UBE2B: variants seen among roughly 807,000 people sequenced by gnomAD.
UBE2B encodes the protein ubiquitin conjugating enzyme E2 B.
Under a neutral mutation model 24.6 loss-of-function variants are expected in UBE2B, and 11 were observed. The observed-to-expected ratio is 0.45, with a 90% CI of 0.28 to 0.74. The LOEUF (loss-of-function observed/expected upper bound fraction) is 0.74, where lower values mean the gene tolerates loss of function less well. Among genes scored for constraint, UBE2B ranks in the 30% least tolerant of loss-of-function variants. The pLI, the probability that UBE2B is intolerant of heterozygous loss-of-function variation, is 0.13. For missense variants in UBE2B, 78 were observed against 185.6 expected, an observed-to-expected ratio of 0.42 and a Z score of 3.37; for synonymous variants, 68 against 62.4, an observed-to-expected ratio of 1.09 and a Z score of -0.42.
Position 134,391,189 on chromosome 5 carries a change from T to C in UBE2B, c.*836T>C, listed in dbSNP as rs1161803944. 6.6e-6 allele frequency: 1 copy of C among 152,502 alleles called. No individual in the cohort carries two copies. Among genetic ancestry groups the C allele is most frequent in the Admixed American group, 6.5e-5 (1 of 15,272 alleles). The allele number at this position is 152,502 out of a possible 1,614,324, so 9.4% of individuals were successfully genotyped here. A position where few individuals can be genotyped will look rare whatever the true frequency, so the allele number is the denominator to read the frequency against. On this transcript the variant is annotated 3_prime_UTR_variant, in exon 6 of 6. Coordinates refer to ENST00000265339, the MANE Select transcript of UBE2B (RefSeq NM_003337.4). ...ATGAAGAAAGTAAAACCATAAACAT[T>C]TGCCAAAAATTCATGCCCCAGTATT...
intron 2 of UBE2B, among the ~76,000 whole-genome samples, chr5:134,376,380 ATGAC>A (rs1306923901): frequency 1.4e-4 from 13 of 90,378 alleles, no homozygotes; most frequent in South Asian, 1.3e-3. Context: ...TATGTACAAA[ATGAC>A]TGGTCAGTAT....
At chr5:134,374,569 T>A in intron 2 of UBE2B, 106 bp downstream of exon 2, 1 of 1,249,504 alleles carries the variant, frequency 8.0e-7, no homozygotes, top group Non-Finnish European at 1.1e-6. Context: ...TGAGAGATCT[T>A]AAGGACTAAA....
At chr5:134,383,444 G>A (rs555426610) in intron 4 of UBE2B, among the ~76,000 whole-genome samples, 18 of 149,034 alleles carry the variant, frequency 1.2e-4, no homozygotes, top group African/African-American at 4.5e-4. Flanking sequence ...TGAGTAGCTG[G>A]GACTGCAGAT....
intron 1 of UBE2B, among the ~76,000 whole-genome samples, chr5:134,374,060 A>C (rs1392874333): frequency 1.3e-5 from 2 of 152,202 alleles, no homozygotes; most frequent in African/African-American, 2.4e-5. Flanking sequence ...GAATCGCCAT[A>C]CTGTCTTCCA....
At chr5:134,376,214 C>T (rs1168898625) in intron 2 of UBE2B, among the ~76,000 whole-genome samples, 13 of 144,490 alleles carry the variant, frequency 9.0e-5, no homozygotes, top group East Asian at 2.0e-4. Context: ...CCCACCTACT[C>T]GGGAGGTTGA....
intron 3 of UBE2B, among the ~76,000 whole-genome samples, chr5:134,378,473 T>A (rs1387959855): frequency 6.6e-6 from 1 of 152,156 alleles, no homozygotes; most frequent in Non-Finnish European, 1.5e-5. Flanking sequence ...TTGGCCAGGC[T>A]GGGGCCTTAA....
At chr5:134,371,808 G>C (rs1758439056) in intron 1 of UBE2B, among the ~76,000 whole-genome samples, 169 bp downstream of exon 1, 1 of 152,146 alleles carries the variant, frequency 6.6e-6, no homozygotes, top group Admixed American at 6.5e-5. Context: ...AAGCTTTGCC[G>C]CTCGTTCTGG....
chr5:134,372,941 G>T (rs1476333151), intron 1 of UBE2B, among the ~76,000 whole-genome samples: 2 of 152,176 alleles, frequency 1.3e-5, no homozygotes, highest in African/African-American at 4.8e-5. Flanking sequence ...CAGCGTATTT[G>T]ATTAGCACTC....
intron 4 of UBE2B, among the ~76,000 whole-genome samples, chr5:134,384,689 T>A (rs559709367): frequency 7.9e-5 from 12 of 152,344 alleles, no homozygotes; most frequent in South Asian, 2.1e-4. Context: ...TTTATTTTTT[T>A]AAAAACATTT....
intron 3 of UBE2B, among the ~76,000 whole-genome samples, chr5:134,380,464 T>C (rs1365980201): frequency 2.0e-5 from 3 of 152,212 alleles, no homozygotes; most frequent in Non-Finnish European, 4.4e-5. Flanking sequence ...TAGGGCCTAG[T>C]TGCCTTCCAA....
intron 4 of UBE2B, among the ~76,000 whole-genome samples, chr5:134,387,249 C>T (rs142145123): frequency 1.5e-3 from 233 of 152,210 alleles, no homozygotes; most frequent in African/African-American, 5.2e-3. Context: ...TGAGCCACTG[C>T]GCCTGGCCTT....
At chr5:134,388,231 A>G in intron 4 of UBE2B, 94 bp from the exon 5 acceptor site, 10 of 1,078,790 alleles carry the variant, frequency 9.3e-6, no homozygotes, top group Non-Finnish European at 1.4e-5. Flanking sequence ...CCTAATATTT[A>G]AAACTTCTAA....
At chr5:134,372,240 C>T (rs1758468466) in intron 1 of UBE2B, among the ~76,000 whole-genome samples, 1 of 152,182 alleles carries the variant, frequency 6.6e-6, no homozygotes, top group Admixed American at 6.5e-5. Flanking sequence ...AGATCTGGGA[C>T]CTTAGAGCTG....
At chr5:134,377,713 G>A (rs1463460210) in intron 3 of UBE2B, among the ~76,000 whole-genome samples, 1 of 152,000 alleles carries the variant, frequency 6.6e-6, no homozygotes, top group African/African-American at 2.4e-5. Context: ...TTGGGGTCTT[G>A]GAGACCCTCT....
chr5:134,379,642 TCAA>T (rs1164222984), intron 3 of UBE2B, among the ~76,000 whole-genome samples: 8 of 99,262 alleles, frequency 8.1e-5, no homozygotes, highest in African/African-American at 3.4e-4. Context: ...AGACTCTGTC[TCAA>T]CAAAAAAAAA....
In UBE2B at chr5:134,390,018, C is replaced by A; in HGVS notation, c.331-207C>A. The A allele has an allele frequency of 3.5e-6, 2 of 566,726 alleles. No individual in the cohort carries two copies. The highest frequency in any genetic ancestry group is 2.9e-5 in the Admixed American group (1 of 34,030). The allele number at this position is 566,726 out of a possible 1,614,324, so 35.1% of individuals were successfully genotyped here. ...CTTAAGGCAATTGAGAACTTTATTTCAGAAGCTTAAGTTCCTTAGCAGCAG... is the reference window on the plus strand; with the variant it reads ...CTTAAGGCAATTGAGAACTTTATTTAAGAAGCTTAAGTTCCTTAGCAGCAG... On this transcript the variant is annotated intron_variant, in intron 5 of 5. Transcript: ENST00000265339. The surrounding 1 kb of genome is among the most constrained non-coding windows in gnomAD (Gnocchi z 4.6).
chr5:134,378,058 C>T (rs547844369), intron 3 of UBE2B, among the ~76,000 whole-genome samples: 2 of 152,124 alleles, frequency 1.3e-5, no homozygotes, highest in East Asian at 3.9e-4. Flanking sequence ...TGGTACATGC[C>T]TTTAGTCCCA....
At chr5:134,373,318 T>C (rs914888110) in intron 1 of UBE2B, among the ~76,000 whole-genome samples, 1 of 152,092 alleles carries the variant, frequency 6.6e-6, no homozygotes, top group Non-Finnish European at 1.5e-5. Flanking sequence ...TTGCTTTTTT[T>C]TTTTTTCTTG....
chr5:134,386,504 C>T (rs1351558248), intron 4 of UBE2B, among the ~76,000 whole-genome samples: 4 of 151,534 alleles, frequency 2.6e-5, no homozygotes, highest in Non-Finnish European at 5.9e-5. Context: ...TGGTGGTGGG[C>T]ACCTGTAATC....
Sources: gnomAD v4.1 joint callset for allele counts (sites outside exome capture counted in the v4.1 genomes callset) on GRCh38, gnomAD v4.1.1 for gene constraint, Gnocchi (gnomAD v3.1) non-coding constraint, MANE v1.5 for transcripts, NCBI Gene and HGNC (gene_info 2026-07-23, HGNC 2026-07-21) for gene names.